The following USP38 variants were observed in gnomAD, a reference collection of about 807,000 sequenced individuals.
USP38 encodes ubiquitin specific peptidase 38.
A neutral mutation model predicts 94.3 loss-of-function variants in USP38; 49 were observed. The observed-to-expected ratio is 0.52, with a 90% CI of 0.41 to 0.66. The LOEUF is 0.66. Ranked by LOEUF, USP38 falls within the 30% of genes least tolerant of loss-of-function variation. USP38 has a pLI of 0.00. For synonymous variants in USP38, 468 were observed against 463.6 expected, an observed-to-expected ratio of 1.01 and a Z score of -0.12; for missense variants, 1,128 against 1,229.4, an observed-to-expected ratio of 0.92 and a Z score of 1.23.
chr4:143,211,122 A>G (rs991307710), intron 7 of USP38, among the ~76,000 whole-genome samples: 1 of 152,052 alleles, frequency 6.6e-6, no homozygotes, highest in Non-Finnish European at 1.5e-5. Context: ...TTAACTTACT[A>G]AATCAGAGCT....
chr4:143,217,296 C>A (rs925437982), intron 9 of USP38, among the ~76,000 whole-genome samples: 2 of 152,150 alleles, frequency 1.3e-5, no homozygotes, highest in Admixed American at 1.3e-4. Flanking sequence ...ATTATGTATA[C>A]AGCAGTTTTC....
At chr4:143,204,634 A>G (rs1441764802) in intron 5 of USP38, 1 of 310,208 alleles carries the variant, frequency 3.2e-6, no homozygotes, top group Non-Finnish European at 6.3e-6. Context: ...AGTGATCCTC[A>G]TCCTCCCAAA....
chr4:143,186,690 G>A (rs903917912), intron 1 of USP38, among the ~76,000 whole-genome samples: 3 of 152,254 alleles, frequency 2.0e-5, no homozygotes, highest in Middle Eastern at 3.4e-3. Context: ...AATGAGGGAA[G>A]GAAGAGTACG....
rs187135621 is a variant in USP38 at position 143,185,618 on chromosome 4, C to T, written c.168C>T (p.Phe56=). ...TRLILEGQDP[F]QRQVGHQVLE... is the part of the protein sequence containing the mutation. ...TCATCCTGGAGGGCCAGGACCCTTTCCAGCGGCAGGTGGGGCACCAGGTGC... is the reference window on the plus strand; with the variant it reads ...TCATCCTGGAGGGCCAGGACCCTTTTCAGCGGCAGGTGGGGCACCAGGTGC... Residue 56 remains phenylalanine (F), a synonymous_variant, in exon 1 of 10, where the codon TTC becomes TTT. Coordinates refer to ENST00000307017, the MANE Select transcript of USP38 (RefSeq NM_032557.6). The T allele has an allele frequency of 2.7e-4, 440 of 1,614,174 alleles. 6 individuals are homozygous for T. The South Asian group carries it at 4.0e-3, about 15-fold the overall frequency.
rs992840820 is a variant in USP38, at chr4:143,223,328, T to C, written c.*2872T>C. ...CTTTTATCTCCATACCTTAAATTGT[T>C]GGTAGATCCTTTGGATGTAGAGATA... On this transcript the variant is annotated 3_prime_UTR_variant, in exon 10 of 10. Coordinates refer to ENST00000307017, the MANE Select transcript of USP38 (RefSeq NM_032557.6). 3.3e-5 allele frequency: 5 copies of C among 152,230 alleles called. No individual in the cohort carries two copies. The highest frequency in any genetic ancestry group is 1.2e-4 in the African/African-American group (5 of 41,566). 9.4% of individuals were successfully genotyped at this position (152,230 alleles called of 1,614,324 possible). A position where few individuals can be genotyped will look rare whatever the true frequency, so the allele number is the denominator to read the frequency against.
chr4:143,206,320 TATAA>T, intron 6 of USP38, 94 bp downstream of exon 6: 2 of 1,068,470 alleles, frequency 1.9e-6, no homozygotes, highest in Non-Finnish European at 2.6e-6. Context: ...CATTATTCCT[TATAA>T]ATGGCATAAA....
chr4:143,198,147 G>A (rs1731608117), intron 4 of USP38, among the ~76,000 whole-genome samples: 1 of 152,168 alleles, frequency 6.6e-6, no homozygotes, highest in Non-Finnish European at 1.5e-5. Context: ...ACTACCAGCA[G>A]TTGAGAGTTA....
chr4:143,204,007 A>C (rs1401026899), intron 5 of USP38, among the ~76,000 whole-genome samples: 2 of 151,390 alleles, frequency 1.3e-5, no homozygotes, highest in Non-Finnish European at 2.9e-5. Flanking sequence ...CTTGAGACCA[A>C]GTCTCGCTCT....
At chr4:143,218,881 G>A (rs1732252869) in intron 9 of USP38, among the ~76,000 whole-genome samples, 1 of 152,078 alleles carries the variant, frequency 6.6e-6, no homozygotes, top group African/African-American at 2.4e-5. Flanking sequence ...AGGTTATAGA[G>A]CTAGAACAAT....
intron 6 of USP38, among the ~76,000 whole-genome samples, chr4:143,206,586 A>T (rs944226841): frequency 6.6e-6 from 1 of 152,166 alleles, no homozygotes; most frequent in Non-Finnish European, 1.5e-5. Context: ...GCTACTCGGG[A>T]GGCTGAGGCA....
intron 3 of USP38, 151 bp from the exon 4 acceptor site, chr4:143,197,672 C>T: frequency 1.7e-6 from 1 of 572,644 alleles, no homozygotes; most frequent in East Asian, 3.0e-5. Context: ...TAACTTCATC[C>T]TTCTCCCAAA....
intron 2 of USP38, among the ~76,000 whole-genome samples, chr4:143,194,553 G>A (rs1037406757): frequency 2.6e-5 from 4 of 152,088 alleles, no homozygotes; most frequent in Admixed American, 2.6e-4. Context: ...TGTTGTCCAG[G>A]CTGGAGTGCA....
rs759975827 is a variant in USP38 at position 143,206,227 on chromosome 4, G to A, written c.1403+1G>A. The A allele has an allele frequency of 6.3e-7, 1 of 1,575,946 alleles. No homozygotes were observed. The highest frequency in any genetic ancestry group is 1.2e-5 in the South Asian group (1 of 83,262). On this transcript the variant is annotated splice_donor_variant, in intron 6 of 9. Transcript: ENST00000307017. LOFTEE classifies it high-confidence loss of function. The stretch of plus-strand genomic sequence containing the variant: ...TACAAGCCTTGTTTATGGCCACAGA[G>A]TAAGTTTAAACTTGAATCTTTTCAT...
chr4:143,216,629 ATGCC>A (rs1242957743), intron 9 of USP38, among the ~76,000 whole-genome samples: 1 of 151,780 alleles, frequency 6.6e-6, no homozygotes, highest in East Asian at 1.9e-4. Flanking sequence ...ATGTGTCACC[ATGCC>A]TGGCTAATTT....
intron 8 of USP38, among the ~76,000 whole-genome samples, chr4:143,213,326 T>A (rs1732080420): frequency 6.6e-6 from 1 of 152,184 alleles, no homozygotes; most frequent in African/African-American, 2.4e-5. Context: ...ACGTTTATAA[T>A]TAACTGCAAT....
chr4:143,210,713 C>G, intron 7 of USP38, among the ~76,000 whole-genome samples: 1 of 151,560 alleles, frequency 6.6e-6, no homozygotes. Flanking sequence ...CTTTCATTGC[C>G]TTTATCTCAC....
intron 4 of USP38, 66 bp from the exon 5 acceptor site, chr4:143,203,342 T>G (rs979021050): frequency 5.4e-6 from 8 of 1,486,930 alleles, no homozygotes; most frequent in African/African-American, 1.4e-5. Context: ...GTGTTCTGTT[T>G]GTAGGCTAGA....
At chr4:143,218,872 GGTTATA>G (rs1337051580) in intron 9 of USP38, among the ~76,000 whole-genome samples, 5 of 152,034 alleles carry the variant, frequency 3.3e-5, no homozygotes, top group African/African-American at 1.2e-4. Context: ...TAGTTTAATA[GGTTATA>G]GAGCTAGAAC....
In USP38 at chr4:143,202,896, T is replaced by C. The variant is rs186234709; in HGVS notation, c.1051-512T>C. ...CATGGTCTCTGTGCTTATCTAAAAG[T>C]AATCCCATTACCTGAGCTGCAATTT... On this transcript the variant is annotated intron_variant, in intron 4 of 9. Coordinates refer to ENST00000307017, the MANE Select transcript of USP38 (RefSeq NM_032557.6). Among the ~76,000 whole-genome samples, 84 of 152,236 alleles carry C rather than the reference T, an allele frequency of 5.5e-4. 1 individual carries two copies. The highest frequency in any genetic ancestry group is 1.9e-3 in the African/African-American group (79 of 41,572).
Sources: gnomAD v4.1 joint callset for allele counts (sites outside exome capture counted in the v4.1 genomes callset) on GRCh38, gnomAD v4.1.1 for gene constraint, MANE v1.5 for transcripts, NCBI Gene and HGNC (gene_info 2026-07-23, HGNC 2026-07-21) for gene names.